Variants in PRKG1 observed in about 807,000 individuals in gnomAD.
The protein encoded by PRKG1 is protein kinase cGMP-dependent 1.
A neutral mutation model predicts 88.1 loss-of-function variants in PRKG1; 35 were observed. The ratio of observed to expected loss-of-function variants is 0.40; its 90% confidence interval spans 0.30 to 0.53. PRKG1 has a LOEUF of 0.53. PRKG1 is among the 20% of genes least tolerant of loss of function. The pLI is 0.59. For synonymous variants in PRKG1, 303 were observed against 292.5 expected (o/e 1.04, Z -0.37); for missense variants, 540 against 839.8 (o/e 0.64, Z 4.41).
chr10:51,629,452 C>T (rs944170465), intron 3 of PRKG1, among the ~76,000 whole-genome samples: 1 of 151,690 alleles, frequency 6.6e-6, no homozygotes, highest in African/African-American at 2.4e-5. Context: ...TAGATGGTCC[C>T]ATCTGGGGGT....
chr10:52,142,338 C>G (rs545003047), intron 8 of PRKG1, among the ~76,000 whole-genome samples: 1 of 152,164 alleles, frequency 6.6e-6, no homozygotes, highest in East Asian at 1.9e-4. Flanking sequence ...CTGAGAGTAT[C>G]AAGTGGGTTT....
At chr10:51,636,533 A>C (rs1450930639) in intron 3 of PRKG1, among the ~76,000 whole-genome samples, 11 of 152,236 alleles carry the variant, frequency 7.2e-5, no homozygotes, top group Admixed American at 7.2e-4. Context: ...TGTGCATGAT[A>C]TAAAACAGTG....
At chr10:51,944,728 G>A (rs1444726658) in intron 5 of PRKG1, among the ~76,000 whole-genome samples, 1 of 152,032 alleles carries the variant, frequency 6.6e-6, no homozygotes, top group East Asian at 1.9e-4. Flanking sequence ...CAGTCATTCA[G>A]GAGCAGGTTG....
chr10:52,114,654 A>G (rs61847260), intron 7 of PRKG1, among the ~76,000 whole-genome samples: 17,127 of 151,948 alleles, frequency 0.11, 1,226 homozygotes, highest in Non-Finnish European at 0.16. Flanking sequence ...TGAAGCTAAA[A>G]CTTTTGCTCA....
intron 4 of PRKG1, among the ~76,000 whole-genome samples, chr10:51,852,863 T>G (rs2132811102): frequency 6.6e-6 from 1 of 152,254 alleles, no homozygotes; most frequent in South Asian, 2.1e-4. Flanking sequence ...CATTTAAGCA[T>G]AAAAAGAGAA....
chr10:52,097,155 A>G (rs1384835298), intron 7 of PRKG1, among the ~76,000 whole-genome samples: 1 of 152,192 alleles, frequency 6.6e-6, no homozygotes, highest in Non-Finnish European at 1.5e-5. Flanking sequence ...AGCTTATATG[A>G]CATAGATCCA....
intron 5 of PRKG1, among the ~76,000 whole-genome samples, chr10:52,048,705 AC>A (rs753909129): frequency 2.1e-4 from 32 of 152,314 alleles, no homozygotes; most frequent in Non-Finnish European, 3.5e-4. Flanking sequence ...CAATGAGAAG[AC>A]AGGTTTTTTA....
intron 11 of PRKG1, 65 bp from the exon 12 acceptor site, chr10:52,272,326 CA>C: frequency 7.7e-7 from 1 of 1,294,848 alleles, no homozygotes. Context: ...CTGGGCCCCC[CA>C]AAATTGCACA....
At chr10:51,765,108 G>C (rs1176177662) in intron 3 of PRKG1, among the ~76,000 whole-genome samples, 1 of 152,204 alleles carries the variant, frequency 6.6e-6, no homozygotes, top group Non-Finnish European at 1.5e-5. Flanking sequence ...TAGGAAGGAA[G>C]ATGGGGAGCA....
chr10:52,284,043 C>G (rs943092093), intron 14 of PRKG1, among the ~76,000 whole-genome samples: 1 of 151,792 alleles, frequency 6.6e-6, no homozygotes, highest in Non-Finnish European at 1.5e-5. Flanking sequence ...ATCTTAAAAA[C>G]TGGCATATAC....
intron 5 of PRKG1, among the ~76,000 whole-genome samples, chr10:51,927,849 C>T (rs1029236401): frequency 1.3e-4 from 20 of 152,164 alleles, no homozygotes; most frequent in African/African-American, 4.3e-4. Flanking sequence ...AGGCAGGAGT[C>T]AGCAAATTGT....
chr10:52,129,910 T>G (rs940845457), intron 7 of PRKG1, among the ~76,000 whole-genome samples: 2 of 152,172 alleles, frequency 1.3e-5, no homozygotes, highest in South Asian at 2.1e-4. Flanking sequence ...TAGCAAAGCA[T>G]ATAAGCAGCC....
chr10:52,017,308 G>A (rs1376951703), intron 5 of PRKG1, among the ~76,000 whole-genome samples: 2 of 152,088 alleles, frequency 1.3e-5, no homozygotes, highest in Admixed American at 6.6e-5. Context: ...TGCTGAAAAG[G>A]GAGCATGGAG....
intron 3 of PRKG1, among the ~76,000 whole-genome samples, chr10:51,503,996 G>A (rs1385397923): frequency 6.6e-6 from 1 of 152,050 alleles, no homozygotes; most frequent in Admixed American, 6.6e-5. Flanking sequence ...ATTACCAAAA[G>A]AACAAAAGTA....
intron 5 of PRKG1, among the ~76,000 whole-genome samples, chr10:51,959,294 AGAG>A (rs2133067993): frequency 6.6e-6 from 1 of 152,296 alleles, no homozygotes; most frequent in Non-Finnish European, 1.5e-5. Flanking sequence ...AAGATTTTGT[AGAG>A]GAGAAAATAG....
At chr10:51,459,996 A>T (rs1839703865) in intron 2 of PRKG1, among the ~76,000 whole-genome samples, 1 of 152,114 alleles carries the variant, frequency 6.6e-6, no homozygotes, top group Non-Finnish European at 1.5e-5. Flanking sequence ...AGTATTTTGT[A>T]TGCTCATGGA....
chr10:52,243,397 C>A (rs1188570653), intron 9 of PRKG1, among the ~76,000 whole-genome samples: 1 of 151,920 alleles, frequency 6.6e-6, no homozygotes, highest in African/African-American at 2.4e-5. Flanking sequence ...GTCTTTATGA[C>A]CTTAGCTAAA....
rs368256585 is a variant in PRKG1, at chr10:51,770,762, C to T, written c.593-33823C>T. The stretch of plus-strand genomic sequence containing the variant: ...ATCATGAAACCATCCCCTACAGCCC[C>T]GTTTGTGGAAAAATTGTCTTCCAGG... On this transcript the variant is annotated intron_variant, in intron 3 of 17. Transcript: ENST00000373980. Among the ~76,000 whole-genome samples, 13 of 152,218 alleles carry T rather than the reference C, an allele frequency of 8.5e-5. No individual in the cohort carries two copies. In the South Asian group the frequency reaches 1.0e-3, roughly 12 times the overall value.
chr10:51,698,288 C>A (rs771847513), intron 3 of PRKG1: 3 of 1,614,132 alleles, frequency 1.9e-6, no homozygotes, highest in East Asian at 2.2e-5. Flanking sequence ...TTCCATGGCA[C>A]GAGTCTCCAT....
Sources: gnomAD v4.1 joint callset for allele counts (sites outside exome capture counted in the v4.1 genomes callset) on GRCh38, gnomAD v4.1.1 for gene constraint, MANE v1.5 for transcripts, NCBI Gene and HGNC (gene_info 2026-07-23, HGNC 2026-07-21) for gene names.